ZC3HAV1L: variants seen among roughly 807,000 people sequenced by gnomAD.
ZC3HAV1L encodes zinc finger CCCH-type antiviral protein 1-like.
Under a neutral mutation model 28.2 loss-of-function variants are expected in ZC3HAV1L, and 23 were observed. The observed-to-expected ratio is 0.82, with a 90% CI of 0.59 to 1.16. The LOEUF (loss-of-function observed/expected upper bound fraction) is 1.16, where lower values mean the gene tolerates loss of function less well. Ranked by LOEUF, ZC3HAV1L falls within the 50% of genes most tolerant of loss-of-function variation. The pLI is 0.00. For synonymous variants in ZC3HAV1L, 180 were observed against 163.4 expected (o/e 1.10, Z -0.78); for missense variants, 376 against 387.7 (o/e 0.97, Z 0.25).
intron 3 of ZC3HAV1L, 93 bp downstream of exon 3, chr7:139,028,609 A>T: frequency 6.8e-7 from 1 of 1,475,770 alleles, no homozygotes; most frequent in Non-Finnish European, 9.1e-7. Flanking sequence ...TTGCCCCCAG[A>T]CTCACTTTCA....
At chr7:139,026,676 T>G (rs1244730053) in intron 4 of ZC3HAV1L, 32 bp downstream of exon 4, 1 of 1,612,912 alleles carries the variant, frequency 6.2e-7, no homozygotes, top group Non-Finnish European at 8.5e-7. Flanking sequence ...GACAAGCTTC[T>G]TCTTAGTTCA....
At chr7:139,028,041 C>T (rs780874666) in intron 3 of ZC3HAV1L, among the ~76,000 whole-genome samples, 53 of 152,062 alleles carry the variant, frequency 3.5e-4, no homozygotes, top group African/African-American at 8.5e-4. Context: ...TTCCACTCAC[C>T]GGCCCATCTC....
chr7:139,025,520 T>C (rs1048389969), downstream of ZC3HAV1L, among the ~76,000 whole-genome samples: 1 of 151,800 alleles, frequency 6.6e-6, no homozygotes, highest in Non-Finnish European at 1.5e-5. Flanking sequence ...ATATACTCTG[T>C]ACTACTGGCT....
At chr7:139,029,459 G>A (rs937449028) in intron 2 of ZC3HAV1L, among the ~76,000 whole-genome samples, 6 of 152,310 alleles carry the variant, frequency 3.9e-5, no homozygotes, top group Non-Finnish European at 8.8e-5. Context: ...TCCCGCTGCT[G>A]TGGGCACTGG....
chr7:139,035,824 G>A lies in ZC3HAV1L; in HGVS notation c.194C>T (p.Ala65Val), dbSNP rs1257555836. 8.1e-6 allele frequency: 12 copies of A among 1,485,066 alleles called. No individual in the cohort carries two copies. The South Asian group carries it at 1.5e-4, about 19-fold the overall frequency. The allele number at this position is 1,485,066 out of a possible 1,614,324, so 92.0% of individuals were successfully genotyped here. A position where few individuals can be genotyped will look rare whatever the true frequency, so the allele number is the denominator to read the frequency against. Residue 65 changes from alanine (A) to valine (V), a missense_variant, in exon 1 of 5, where the codon GCC becomes GTC. Transcript: ENST00000275766. Reference protein sequence around the residue: ...ETQEGLGDAEAEAAAGAVGGG... With the variant: ...ETQEGLGDAEVEAAAGAVGGG... ...GCCCACCGCGCCGGCCGCCGCCTCG[G>A]CCTCCGCGTCCCCGAGGCCCTCCTG...
At position 139,028,686 on chromosome 7, in the gene ZC3HAV1L, TC is replaced by T. The variant is rs1226677375; in HGVS notation, c.760+15del. 5.6e-6 allele frequency: 9 copies of T among 1,610,444 alleles called. No homozygotes were observed. Among genetic ancestry groups the T allele is most frequent in the Non-Finnish European group, 7.6e-6 (9 of 1,177,422 alleles). On this transcript the variant is annotated intron_variant, in intron 3 of 4. Transcript: ENST00000275766. ...CATATCGCTGATACTTCTCTGTCCT[TC>T]TTGGATATTCCTACCTGTATTTTCA...
In ZC3HAV1L at chr7:139,035,704, AGCTGGTCGCAGGCCTGGCACTCGCC is replaced by A. The variant is rs1815688854; in HGVS notation, c.289_313del (p.Gly97CysfsTer36). ...CAGCATGTGCCGGCGGCAGAAGTGCAGCTGGTCGCAGGCCTGGCACTCGCCGCGCTGGTAGCGGGCGCAGAGGCGC... is the reference window on the plus strand; with the variant it reads ...CAGCATGTGCCGGCGGCAGAAGTGCAGCGCTGGTAGCGGGCGCAGAGGCGC... On this transcript the variant is annotated frameshift_variant, in exon 1 of 5. Coordinates refer to ENST00000275766, the MANE Select transcript of ZC3HAV1L (RefSeq NM_080660.4). LOFTEE classifies it high-confidence loss of function. 6.7e-7 allele frequency: 1 copy of A among 1,483,580 alleles called. No individual in the cohort carries two copies. Among genetic ancestry groups the A allele is most frequent in the African/African-American group, 1.5e-5 (1 of 68,300 alleles). 91.9% of individuals were successfully genotyped at this position (1,483,580 alleles called of 1,614,324 possible). A position where few individuals can be genotyped will look rare whatever the true frequency, so the allele number is the denominator to read the frequency against.
chr7:139,034,792 C>T (rs144249883), intron 1 of ZC3HAV1L, 114 bp from the exon 2 acceptor site: 180 of 1,461,796 alleles, frequency 1.2e-4, no homozygotes, highest in Non-Finnish European at 1.5e-4. Flanking sequence ...GAGTAATTTT[C>T]ATGAAACCGG....
At chr7:139,034,498 T>C (rs776145635) in intron 2 of ZC3HAV1L, 45 bp downstream of exon 2, 1 of 1,602,674 alleles carries the variant, frequency 6.2e-7, no homozygotes, top group Admixed American at 1.7e-5. Flanking sequence ...ATGGGGAAAG[T>C]ACTTGTAGCA....
downstream of ZC3HAV1L, chr7:139,022,456 G>A (rs772467790): frequency 7.4e-6 from 3 of 403,594 alleles, no homozygotes; most frequent in South Asian, 5.5e-5. Flanking sequence ...TGAGGCAAGA[G>A]GATGGCTTGA....
chr7:139,024,735 TA>T (rs1402495314), downstream of ZC3HAV1L, among the ~76,000 whole-genome samples: 2 of 152,234 alleles, frequency 1.3e-5, no homozygotes, highest in Non-Finnish European at 2.9e-5. Flanking sequence ...CATTTCATGA[TA>T]AAAATTTCTC....
downstream of ZC3HAV1L, among the ~76,000 whole-genome samples, chr7:139,024,383 T>G (rs1815304359): frequency 6.6e-6 from 1 of 151,966 alleles, no homozygotes; most frequent in Non-Finnish European, 1.5e-5. Context: ...CAAGTAAAGG[T>G]CCAGCAAGTC....
At chr7:139,032,317 G>A (rs1212366509) in intron 2 of ZC3HAV1L, among the ~76,000 whole-genome samples, 1 of 152,038 alleles carries the variant, frequency 6.6e-6, no homozygotes, top group East Asian at 1.9e-4. Context: ...GAAATCCACT[G>A]TACGGCAAGG....
chr7:139,031,719 A>G (rs10238813), intron 2 of ZC3HAV1L, among the ~76,000 whole-genome samples: 5,807 of 152,180 alleles, frequency 0.038, 196 homozygotes, highest in South Asian at 0.15. Flanking sequence ...AGCCTGGCCA[A>G]AATGACAAAC....
intron 1 of ZC3HAV1L, chr7:139,034,900 GA>G (rs1815652894): frequency 1.0e-6 from 1 of 985,316 alleles, no homozygotes; most frequent in Admixed American, 6.1e-5. Flanking sequence ...GGGATGCTTT[GA>G]AGCCAAGGGT....
At chr7:139,031,194 T>C (rs571342480) in intron 2 of ZC3HAV1L, among the ~76,000 whole-genome samples, 3 of 152,320 alleles carry the variant, frequency 2.0e-5, no homozygotes, top group Admixed American at 1.3e-4. Flanking sequence ...ATGGCTGTAC[T>C]CCTAGCACTT....
At position 139,026,495 on chromosome 7, in the gene ZC3HAV1L, T is replaced by A. The variant is rs939267774; in HGVS notation, c.*49A>T. ...GTCCCACCCCATCCCCAACCACCCA[T>A]GCCCAAATGTATTCTTCCAAAAGGA... On this transcript the variant is annotated 3_prime_UTR_variant, in exon 5 of 5. Transcript: ENST00000275766. 1 of 1,610,744 alleles carries A rather than the reference T, an allele frequency of 6.2e-7. No individual in the cohort carries two copies. The highest frequency in any genetic ancestry group is 8.5e-7 in the Non-Finnish European group (1 of 1,179,394).
intron 2 of ZC3HAV1L, among the ~76,000 whole-genome samples, chr7:139,030,691 G>A (rs933395572): frequency 6.6e-6 from 1 of 150,854 alleles, no homozygotes; most frequent in African/African-American, 2.4e-5. Flanking sequence ...GCCAGTCATG[G>A]TGGCACCTGT....
intron 1 of ZC3HAV1L, chr7:139,035,061 C>T (rs1438673763): frequency 4.1e-6 from 4 of 985,308 alleles, no homozygotes; most frequent in Admixed American, 6.1e-5. Flanking sequence ...TAGAGACAAC[C>T]AAGGAAAATT....
Sources: allele counts gnomAD v4.1 joint callset (sites outside exome capture counted in the v4.1 genomes callset), GRCh38; gene constraint gnomAD v4.1.1; transcripts MANE v1.5; gene names NCBI Gene and HGNC (gene_info 2026-07-23, HGNC 2026-07-21).